PCDHGA8: variants seen among roughly 807,000 people sequenced by gnomAD.
PCDHGA8 encodes the protein protocadherin gamma-A8.
PCDHGA8 carries 45 observed loss-of-function variants against 59.2 expected under a neutral mutation model. The ratio of observed to expected loss-of-function variants is 0.76; its 90% CI spans 0.60 to 0.98. The LOEUF is 0.98. Ranked by LOEUF, PCDHGA8 falls within the 50% of genes least tolerant of loss-of-function variation. The probability of loss-of-function intolerance (pLI) is 0.00; values close to 1 mark genes in which losing one functional copy is unlikely to be tolerated. For missense variants in PCDHGA8, 1,257 were observed against 1,196.2 expected (o/e 1.05, Z -0.75); for synonymous variants, 531 against 519.0 (o/e 1.02, Z -0.32).
intron 1 of PCDHGA8, among the ~76,000 whole-genome samples, chr5:141,435,921 C>T (rs767290430): frequency 1.3e-5 from 2 of 152,186 alleles, no homozygotes; most frequent in Admixed American, 6.5e-5. Context: ...CTCTAAAATG[C>T]GGCAGTTGCT....
rs1425295626 is a variant in PCDHGA8 at position 141,477,940 on chromosome 5, C to T, written c.2425-16867C>T. On this transcript the variant is annotated intron_variant, in intron 1 of 3. Coordinates refer to ENST00000398604, the MANE Select transcript of PCDHGA8 (RefSeq NM_032088.2). This position sits in a 1 kb window ranked among gnomAD's most constrained non-coding sequence, Gnocchi z 4.9. ...CAGGGCACAATGCCTGGCTCTCCTA[C>T]AGTCTCTTGGGATCCCCTAACCAGA... The T allele has an allele frequency of 6.2e-7, 1 of 1,614,178 alleles. No homozygotes were observed. Among genetic ancestry groups the T allele is most frequent in the South Asian group, 1.1e-5 (1 of 91,084 alleles).
intron 1 of PCDHGA8, among the ~76,000 whole-genome samples, chr5:141,454,989 T>C (rs1460420144): frequency 6.6e-6 from 1 of 151,506 alleles, no homozygotes; most frequent in East Asian, 2.0e-4. Context: ...TTAAAAAATA[T>C]TTTTAGTAGA....
chr5:141,500,871 T>C (rs2154592764), intron 2 of PCDHGA8, among the ~76,000 whole-genome samples: 1 of 135,840 alleles, frequency 7.4e-6, no homozygotes, highest in African/African-American at 3.0e-5. Context: ...TACACATTCA[T>C]TTACAATTTT....
Position 141,476,642 on chromosome 5 carries a change from C to G in PCDHGA8, c.2425-18165C>G. 6.2e-7 allele frequency: 1 copy of G among 1,614,240 alleles called. No homozygotes were observed. The highest frequency in any genetic ancestry group is 8.5e-7 in the Non-Finnish European group (1 of 1,180,050). ...CTCTTTACAAACCTATGAGCTGAGC[C>G]GAAATGAATACTTTGCGCTTCGCGT... On this transcript the variant is annotated intron_variant, in intron 1 of 3. Transcript: ENST00000398604. This position sits in a 1 kb window ranked among gnomAD's most constrained non-coding sequence, Gnocchi z 7.6.
intron 1 of PCDHGA8, among the ~76,000 whole-genome samples, chr5:141,455,890 T>G (rs1055285369): frequency 1.3e-5 from 2 of 149,264 alleles, no homozygotes; most frequent in African/African-American, 2.4e-5. Flanking sequence ...TTTATTTATT[T>G]ATTTATTTAT....
intron 1 of PCDHGA8, among the ~76,000 whole-genome samples, chr5:141,447,279 A>G (rs1394174534): frequency 1.3e-5 from 2 of 152,156 alleles, no homozygotes; most frequent in African/African-American, 4.8e-5. Flanking sequence ...AGCTGGGACT[A>G]CAGGCACATG....
intron 1 of PCDHGA8, chr5:141,421,405 C>T (rs2096570069): frequency 6.2e-7 from 1 of 1,614,074 alleles, no homozygotes; most frequent in African/African-American, 1.3e-5. Context: ...GCCCCGGGAG[C>T]TGGCGAAGCG....
chr5:141,511,485 C>T lies in PCDHGA8; in HGVS notation c.*312C>T, dbSNP rs1324849800. 1.8e-5 allele frequency: 8 copies of T among 453,300 alleles called. No individual in the cohort carries two copies. The highest frequency in any genetic ancestry group is 1.2e-4 in the African/African-American group (6 of 50,332). The allele number at this position is 453,300 out of a possible 1,614,324, so 28.1% of individuals were successfully genotyped here. A position where few individuals can be genotyped will look rare whatever the true frequency, so the allele number is the denominator to read the frequency against. On this transcript the variant is annotated 3_prime_UTR_variant, in exon 4 of 4. Coordinates refer to ENST00000398604, the MANE Select transcript of PCDHGA8 (RefSeq NM_032088.2). Reference sequence around the variant, plus strand: ...ACCCCGTTTAGTTACAGCTGAACTCCTCCATCTTCCAAATCAATCAGGCCC... The same window carrying T: ...ACCCCGTTTAGTTACAGCTGAACTCTTCCATCTTCCAAATCAATCAGGCCC...
chr5:141,422,633 G>T lies in PCDHGA8; in HGVS notation c.2424+27396G>T, dbSNP rs769515606. 10 of 1,613,120 alleles carry T rather than the reference G, an allele frequency of 6.2e-6. No individual in the cohort carries two copies. In the East Asian group the frequency reaches 2.0e-4, roughly 32 times the overall value. ...TACATTCCCGAAAACAACCCCAGGG[G>T]TGCCTCCATCTTCTCAGTGACCGCC... On this transcript the variant is annotated intron_variant, in intron 1 of 3. Coordinates refer to ENST00000398604, the MANE Select transcript of PCDHGA8 (RefSeq NM_032088.2).
intron 1 of PCDHGA8, among the ~76,000 whole-genome samples, chr5:141,483,547 G>A (rs1202182188): frequency 6.6e-6 from 1 of 152,140 alleles, no homozygotes. Context: ...GGTTGACAGT[G>A]CCATTCACAG....
At chr5:141,402,930 G>A (rs1260331134) in intron 1 of PCDHGA8, 1 of 1,584,094 alleles carries the variant, frequency 6.3e-7, no homozygotes, top group Non-Finnish European at 8.6e-7. Flanking sequence ...ATCCTTTTGA[G>A]AAAATTCCAA....
intron 2 of PCDHGA8, among the ~76,000 whole-genome samples, chr5:141,496,189 G>T (rs1362938002): frequency 1.3e-5 from 2 of 152,004 alleles, no homozygotes; most frequent in African/African-American, 4.8e-5. Context: ...AGCCCCAGCT[G>T]CTCATTTCAA....
chr5:141,421,130 A>G, intron 1 of PCDHGA8: 1 of 827,800 alleles, frequency 1.2e-6, no homozygotes, highest in South Asian at 1.8e-5. Context: ...GCTTTCTGAT[A>G]TATTTTGGAT....
chr5:141,478,563 C>A, intron 1 of PCDHGA8: 2 of 1,596,270 alleles, frequency 1.3e-6, no homozygotes, highest in South Asian at 1.1e-5. Context: ...TTTAGCAAGT[C>A]ATGCTTGACC....
intron 1 of PCDHGA8, chr5:141,422,463 C>G (rs1461108652): frequency 6.2e-7 from 1 of 1,613,472 alleles, no homozygotes; most frequent in Non-Finnish European, 8.5e-7. Flanking sequence ...GAGTGCTGGA[C>G]AGGGAGTTGG....
intron 1 of PCDHGA8, among the ~76,000 whole-genome samples, chr5:141,453,288 ATTAT>A (rs577328880): frequency 4.0e-5 from 6 of 151,342 alleles, no homozygotes; most frequent in Admixed American, 1.3e-4. Context: ...TAATTTTTTA[ATTAT>A]TTATTTATTT....
chr5:141,490,184 TC>T lies in PCDHGA8; in HGVS notation c.2425-4622del, dbSNP rs1293752541. The T allele has an allele frequency of 1.2e-6, 2 of 1,614,196 alleles. No individual in the cohort carries two copies. The highest frequency in any genetic ancestry group is 1.7e-6 in the Non-Finnish European group (2 of 1,180,030). On this transcript the variant is annotated intron_variant, in intron 1 of 3. Coordinates refer to ENST00000398604, the MANE Select transcript of PCDHGA8 (RefSeq NM_032088.2). This position sits in a 1 kb window ranked among gnomAD's most constrained non-coding sequence, Gnocchi z 5.4. The stretch of plus-strand genomic sequence containing the variant: ...CCCATAGACTTTGAGGAGTCACGTT[TC>T]TATGAAATTCATGCAAGAGCCCGTG...
At chr5:141,481,656 A>G (rs1425280340) in intron 1 of PCDHGA8, among the ~76,000 whole-genome samples, 1 of 152,084 alleles carries the variant, frequency 6.6e-6, no homozygotes, top group Non-Finnish European at 1.5e-5. Context: ...CATCTCTACT[A>G]ATAATACAAA....
In PCDHGA8 at chr5:141,393,028, C is replaced by T; in HGVS notation, c.215C>T (p.Thr72Met). 3.7e-6 allele frequency: 6 copies of T among 1,613,768 alleles called. No individual in the cohort carries two copies. Among genetic ancestry groups the T allele is most frequent in the Non-Finnish European group, 5.1e-6 (6 of 1,179,858 alleles). ...HGVRIVSRGR[T>M]QLFALNPRSG... ...GTCCGTATCGTCTCCAGAGGTAGGACGCAGCTCTTTGCTCTGAACCCGCGC... is the reference window on the plus strand; with the variant it reads ...GTCCGTATCGTCTCCAGAGGTAGGATGCAGCTCTTTGCTCTGAACCCGCGC... Residue 72 changes from threonine to methionine, a missense_variant, in exon 1 of 4, where the codon ACG becomes ATG. Transcript: ENST00000398604.
Sources: gnomAD v4.1 joint callset for allele counts (sites outside exome capture counted in the v4.1 genomes callset) on GRCh38, gnomAD v4.1.1 for gene constraint, Gnocchi (gnomAD v3.1) non-coding constraint, MANE v1.5 for transcripts, NCBI Gene and HGNC (gene_info 2026-07-23, HGNC 2026-07-21) for gene names.